Variants in RARB observed in about 807,000 individuals in gnomAD.
The protein encoded by RARB is HBV-activated protein.
A neutral mutation model predicts 51.9 loss-of-function variants in RARB; 17 were observed. The ratio of observed to expected loss-of-function variants is 0.33; its 90% CI spans 0.22 to 0.49. The LOEUF (loss-of-function observed/expected upper bound fraction) is 0.49. Ranked by LOEUF, RARB falls within the 20% of genes least tolerant of loss-of-function variation. RARB has a pLI of 0.99. For synonymous variants in RARB, 215 were observed against 195.4 expected (o/e 1.10, Z -0.84); for missense variants, 369 against 550.8 (o/e 0.67, Z 3.30).
At position 25,257,959 on chromosome 3, in the gene RARB, C is replaced by G. The variant is rs141570613; in HGVS notation, c.178+83384C>G. On this transcript the variant is annotated intron_variant, in intron 5 of 11. Transcript: ENST00000383772. ...TCATCATTTGTATTTCCACAGCACT[C>G]TCTTCCTGCCATAGCAATGGCATTT... Among the ~76,000 whole-genome samples, 390 of 152,292 alleles carry G rather than the reference C, an allele frequency of 2.6e-3. 1 individual carries two copies. The highest frequency in any genetic ancestry group is 4.1e-3 in the Non-Finnish European group (281 of 68,012).
chr3:24,970,646 A>G (rs1696377461), intron 2 of RARB, among the ~76,000 whole-genome samples: 1 of 151,500 alleles, frequency 6.6e-6, no homozygotes. Context: ...TGAGAAAGAC[A>G]CTTCATTTTA....
At chr3:25,174,203 A>C in exon 5 of RARB, 1 of 298,576 alleles carries the variant, frequency 3.3e-6, no homozygotes, top group Non-Finnish European at 6.5e-6. Context: ...CCTTCCTGTA[A>C]TCAGTGTAGC....
intron 2 of RARB, among the ~76,000 whole-genome samples, chr3:25,057,903 G>T (rs1698470690): frequency 1.3e-5 from 2 of 151,974 alleles, no homozygotes; most frequent in Non-Finnish European, 2.9e-5. Flanking sequence ...AAATAAAAAT[G>T]ATGTATATAG....
intron 1 of RARB, among the ~76,000 whole-genome samples, chr3:25,440,318 C>T (rs1378443492): frequency 6.6e-6 from 1 of 151,812 alleles, no homozygotes; most frequent in Non-Finnish European, 1.5e-5. Context: ...TGGTGGCACG[C>T]ACCTGTAGTC....
chr3:25,506,641 G>C (rs1273917346), intron 3 of RARB, among the ~76,000 whole-genome samples: 1 of 152,200 alleles, frequency 6.6e-6, no homozygotes, highest in Admixed American at 6.5e-5. Flanking sequence ...ATTTGTCCCT[G>C]TCTTCATTAC....
At chr3:25,193,973 A>T (rs1011079752) in intron 5 of RARB, among the ~76,000 whole-genome samples, 1 of 151,952 alleles carries the variant, frequency 6.6e-6, no homozygotes, top group Admixed American at 6.6e-5. Flanking sequence ...TTAATATTAC[A>T]CTATTCACAA....
At chr3:25,080,839 T>A (rs1194752778) in intron 3 of RARB, among the ~76,000 whole-genome samples, 1 of 152,188 alleles carries the variant, frequency 6.6e-6, no homozygotes, top group Non-Finnish European at 1.5e-5. Context: ...TTTTCTACTT[T>A]TAAGGTTTTT....
chr3:25,400,252 A>G (rs1192410945), intron 5 of RARB, among the ~76,000 whole-genome samples: 1 of 152,116 alleles, frequency 6.6e-6, no homozygotes, highest in Non-Finnish European at 1.5e-5. Context: ...TTCCCACACA[A>G]AAGTTACCAG....
At chr3:25,282,570 G>T (rs1401858167) in intron 5 of RARB, among the ~76,000 whole-genome samples, 1 of 152,110 alleles carries the variant, frequency 6.6e-6, no homozygotes, top group Non-Finnish European at 1.5e-5. Flanking sequence ...TGTGTCTCTT[G>T]TTCACTGATA....
intron 3 of RARB, among the ~76,000 whole-genome samples, chr3:25,108,664 C>T (rs1472852958): frequency 6.6e-6 from 1 of 152,162 alleles, no homozygotes; most frequent in Non-Finnish European, 1.5e-5. Context: ...TCAGTCTCTG[C>T]TATGGTGTTT....
At chr3:25,264,696 C>T (rs951136228) in intron 5 of RARB, among the ~76,000 whole-genome samples, 4 of 152,040 alleles carry the variant, frequency 2.6e-5, no homozygotes, top group African/African-American at 9.7e-5. Flanking sequence ...TAAACTCTTA[C>T]CCATAAGAAT....
chr3:25,530,958 C>A (rs1698875493), intron 3 of RARB, among the ~76,000 whole-genome samples: 1 of 152,166 alleles, frequency 6.6e-6, no homozygotes, highest in Non-Finnish European at 1.5e-5. Context: ...ACCCTAGGAG[C>A]AAACCCTAAG....
At chr3:25,320,127 G>C (rs767192923) in intron 5 of RARB, among the ~76,000 whole-genome samples, 53 of 150,708 alleles carry the variant, frequency 3.5e-4, no homozygotes, top group Non-Finnish European at 6.6e-4. Context: ...GACCCCAAAA[G>C]TCACCCCAAC....
chr3:25,302,556 G>T (rs900549091), intron 5 of RARB, among the ~76,000 whole-genome samples: 1 of 152,180 alleles, frequency 6.6e-6, no homozygotes, highest in Non-Finnish European at 1.5e-5. Flanking sequence ...TTCAGAATAG[G>T]CTAATGTAAC....
chr3:24,856,418 T>C (rs1702637441), intron 1 of RARB, among the ~76,000 whole-genome samples: 1 of 152,216 alleles, frequency 6.6e-6, no homozygotes. Context: ...AGATATGGTA[T>C]TATGTCCACC....
At chr3:25,355,955 A>G (rs1705720915) in intron 5 of RARB, among the ~76,000 whole-genome samples, 1 of 152,184 alleles carries the variant, frequency 6.6e-6, no homozygotes, top group Admixed American at 6.6e-5. Context: ...GGAACTTGGA[A>G]AATAACTTTT....
intron 5 of RARB, among the ~76,000 whole-genome samples, chr3:25,373,992 C>A (rs1183304736): frequency 1.3e-5 from 2 of 152,142 alleles, no homozygotes; most frequent in Admixed American, 6.5e-5. Flanking sequence ...AAAATGAGGG[C>A]AGCTCATGAT....
chr3:25,077,901 A>G (rs1157055103), intron 3 of RARB, among the ~76,000 whole-genome samples: 1 of 152,174 alleles, frequency 6.6e-6, no homozygotes, highest in Admixed American at 6.5e-5. Context: ...ATAAAGCAGT[A>G]TCTCATTTTT....
intron 3 of RARB, among the ~76,000 whole-genome samples, chr3:25,075,110 A>G (rs1200214874): frequency 6.6e-6 from 1 of 152,244 alleles, no homozygotes; most frequent in Non-Finnish European, 1.5e-5. Flanking sequence ...CATCAGGCAC[A>G]GAGAATATGT....
Sources: allele counts gnomAD v4.1 joint callset (sites outside exome capture counted in the v4.1 genomes callset), GRCh38; gene constraint gnomAD v4.1.1; transcripts MANE v1.5; gene names NCBI Gene and HGNC (gene_info 2026-07-23, HGNC 2026-07-21).